GTF2IRD1: variants seen among roughly 807,000 people sequenced by gnomAD.
GTF2IRD1 encodes general transcription factor II-I repeat domain-containing protein 1.
GTF2IRD1 carries 26 observed loss-of-function variants against 113.2 expected under a neutral mutation model. That is an observed-to-expected ratio of 0.23 (90% CI 0.17 to 0.32). The LOEUF (loss-of-function observed/expected upper bound fraction) is 0.32. Ranked by LOEUF, GTF2IRD1 falls within the 10% of genes least tolerant of loss-of-function variation. The pLI is 1.00. For missense variants in GTF2IRD1, 864 were observed against 1,280.8 expected, an observed-to-expected ratio of 0.67 and a Z score of 4.97; for synonymous variants, 484 against 529.1, an observed-to-expected ratio of 0.91 and a Z score of 1.17.
rs371991218 is a variant in GTF2IRD1, at chr7:74,518,514, C to T, written c.605+192C>T. Among the ~76,000 whole-genome samples, 32 of 152,294 alleles carry T rather than the reference C, an allele frequency of 2.1e-4. No homozygotes were observed. In the East Asian group the frequency reaches 5.8e-3, roughly 28 times the overall value. On this transcript the variant is annotated intron_variant, in intron 5 of 26. Coordinates refer to ENST00000424337, the MANE Select transcript of GTF2IRD1 (RefSeq NM_005685.4). ...TCATAGAACAGGATCTGAGCCAGGTCATTAAGCCTTGAAGTCTTCCCAGGG... is the reference window on the plus strand; with the variant it reads ...TCATAGAACAGGATCTGAGCCAGGTTATTAAGCCTTGAAGTCTTCCCAGGG...
chr7:74,583,920 G>A (rs1554367007), intron 22 of GTF2IRD1, among the ~76,000 whole-genome samples: 1 of 152,160 alleles, frequency 6.6e-6, no homozygotes, highest in African/African-American at 2.4e-5. Context: ...CATCCTTGGA[G>A]CTTTGGGCCC....
At chr7:74,514,126 G>A (rs1277697801) in intron 3 of GTF2IRD1, among the ~76,000 whole-genome samples, 2 of 152,162 alleles carry the variant, frequency 1.3e-5, no homozygotes, top group South Asian at 2.1e-4. Context: ...AGGGTTAAAC[G>A]AATTGGTACC....
chr7:74,600,834 G>C (rs964381017), intron 25 of GTF2IRD1: 3 of 603,468 alleles, frequency 5.0e-6, no homozygotes, highest in Non-Finnish European at 8.8e-6. Context: ...GCAGGAGGCC[G>C]GGGAGAGTGG....
chr7:74,562,948 A>G (rs1191922333), intron 22 of GTF2IRD1, among the ~76,000 whole-genome samples: 2 of 152,154 alleles, frequency 1.3e-5, no homozygotes, highest in Non-Finnish European at 2.9e-5. Context: ...GAAGTGCGAG[A>G]CATGTATTTT....
At chr7:74,465,513 A>G (rs1554330581) in intron 1 of GTF2IRD1, among the ~76,000 whole-genome samples, 1 of 152,046 alleles carries the variant, frequency 6.6e-6, no homozygotes, top group Non-Finnish European at 1.5e-5. Context: ...AAAAACAAGG[A>G]TAGTTTTCTT....
At chr7:74,547,919 C>T (rs1435340162) in intron 17 of GTF2IRD1, among the ~76,000 whole-genome samples, 1 of 152,110 alleles carries the variant, frequency 6.6e-6, no homozygotes, top group East Asian at 1.9e-4. Context: ...AGAATGGGAA[C>T]GTCCCATCAG....
intron 1 of GTF2IRD1, among the ~76,000 whole-genome samples, chr7:74,470,341 T>C (rs1584465184): frequency 6.6e-6 from 1 of 152,180 alleles, no homozygotes; most frequent in Non-Finnish European, 1.5e-5. Flanking sequence ...CATGAAGTTG[T>C]GTGACCATCG....
chr7:74,591,699 C>T (rs1209514033), intron 24 of GTF2IRD1, among the ~76,000 whole-genome samples: 2 of 151,242 alleles, frequency 1.3e-5, no homozygotes, highest in Non-Finnish European at 2.9e-5. Flanking sequence ...ACTATTATAC[C>T]GTATATCCTT....
chr7:74,567,930 C>T (rs1479805328), intron 22 of GTF2IRD1, among the ~76,000 whole-genome samples: 2 of 151,920 alleles, frequency 1.3e-5, no homozygotes, highest in African/African-American at 2.4e-5. Context: ...GGATTACAGG[C>T]GCGTGCTATC....
At chr7:74,573,656 G>C (rs1339990508) in intron 22 of GTF2IRD1, among the ~76,000 whole-genome samples, 1 of 152,204 alleles carries the variant, frequency 6.6e-6, no homozygotes, top group Non-Finnish European at 1.5e-5. Flanking sequence ...AGCCATAGAA[G>C]TAGAGCAGGG....
intron 1 of GTF2IRD1, among the ~76,000 whole-genome samples, chr7:74,478,930 A>G (rs1298675109): frequency 6.7e-6 from 1 of 149,566 alleles, no homozygotes; most frequent in Non-Finnish European, 1.5e-5. Context: ...AAAAAAAATT[A>G]TAGAGATGGG....
rs1554369351 is a variant in GTF2IRD1, at chr7:74,590,923, C to T, written c.2497C>T (p.Pro833Ser). The change falls in exon 24 of 27, where the codon CCC becomes TCC. Residue 833 changes from proline (P) to serine (S), a missense_variant. Pro to Ser is a moderately conservative substitution (Grantham distance 74, BLOSUM62 -1). Transcript: ENST00000424337. ...GGTCACGGGTCTGCCTGATGACATCCCCTTCCGGAACCCCAACACGTACGA... is the reference window on the plus strand; with the variant it reads ...GGTCACGGGTCTGCCTGATGACATCTCCTTCCGGAACCCCAACACGTACGA... ...VEVTGLPDDI[P>S]FRNPNTYDIH... The T allele has an allele frequency of 6.2e-7, 1 of 1,613,486 alleles. No homozygotes were observed. Among genetic ancestry groups the T allele is most frequent in the South Asian group, 1.1e-5 (1 of 91,038 alleles).
intron 1 of GTF2IRD1, among the ~76,000 whole-genome samples, chr7:74,464,439 T>G (rs78452310): frequency 1.2e-4 from 17 of 146,194 alleles, no homozygotes; most frequent in African/African-American, 3.5e-4. Context: ...CTTTGTTGTT[T>G]TTGTTGTTGT....
intron 5 of GTF2IRD1, among the ~76,000 whole-genome samples, chr7:74,518,887 C>T (rs1281398507): frequency 6.6e-6 from 1 of 151,850 alleles, no homozygotes; most frequent in Non-Finnish European, 1.5e-5. Context: ...GACCCCATCT[C>T]TTAAAAAAAA....
At chr7:74,528,707 G>GTGGA (rs58102974) in intron 8 of GTF2IRD1, among the ~76,000 whole-genome samples, 11,094 of 106,384 alleles carry the variant, frequency 0.1, 405 homozygotes, top group Non-Finnish European at 0.13. Flanking sequence ...GGAAAGATGG[G>GTGGA]TGGATGGATG....
In GTF2IRD1 at chr7:74,537,368, G is replaced by A. The variant is rs587644457; in HGVS notation, c.1410-768G>A. On this transcript the variant is annotated intron_variant, in intron 11 of 26. Coordinates refer to ENST00000424337, the MANE Select transcript of GTF2IRD1 (RefSeq NM_005685.4). ...GCGGAGGTTGCAGTGAGCCAAGATT[G>A]TGCCACTGCACTCCAGCCTGGGCAA... Among the ~76,000 whole-genome samples, 4 of 151,634 alleles carry A rather than the reference G, an allele frequency of 2.6e-5. No homozygotes were observed. In the East Asian group the frequency reaches 7.8e-4, roughly 29 times the overall value.
At chr7:74,584,204 G>A (rs1801590541) in intron 22 of GTF2IRD1, among the ~76,000 whole-genome samples, 1 of 152,124 alleles carries the variant, frequency 6.6e-6, no homozygotes, top group African/African-American at 2.4e-5. Context: ...AGCACTTTGG[G>A]AGGCCAAGCC....
At chr7:74,498,376 T>C (rs2129784666) in intron 1 of GTF2IRD1, among the ~76,000 whole-genome samples, 1 of 152,280 alleles carries the variant, frequency 6.6e-6, no homozygotes, top group Non-Finnish European at 1.5e-5. Context: ...TTTACAAATA[T>C]TTTCACCCAT....
Position 74,590,939 on chromosome 7 carries a change from A to G in GTF2IRD1, c.2513A>G (p.Asn838Ser). Reference protein sequence around the residue: ...LPDDIPFRNPNTYDIHRLEKI... With the variant: ...LPDDIPFRNPSTYDIHRLEKI... ...GATGACATCCCCTTCCGGAACCCCA[A>G]CACGTACGACATCCACCGGCTGGAG... Residue 838 changes from asparagine to serine, a missense_variant, in exon 24 of 27, where the codon AAC (asparagine) becomes AGC (serine). Transcript: ENST00000424337. The G allele has an allele frequency of 6.2e-7, 1 of 1,613,546 alleles. No homozygotes were observed. The highest frequency in any genetic ancestry group is 8.5e-7 in the Non-Finnish European group (1 of 1,179,716).
Sources: allele counts gnomAD v4.1 joint callset (sites outside exome capture counted in the v4.1 genomes callset), GRCh38; gene constraint gnomAD v4.1.1; transcripts MANE v1.5; gene names NCBI Gene and HGNC (gene_info 2026-07-23, HGNC 2026-07-21).